Variants in IREB2 observed in about 807,000 individuals in gnomAD.
IREB2 encodes the protein iron-responsive element-binding protein 2.
In IREB2, 39 loss-of-function variants were observed where a neutral mutation model predicts 118.8. The observed-to-expected ratio is 0.33, with a 90% CI of 0.25 to 0.43. IREB2 has a LOEUF of 0.43. Ranked by LOEUF, IREB2 falls within the 20% of genes least tolerant of loss-of-function variation. The pLI is 1.00. For synonymous variants in IREB2, 372 were observed against 392.2 expected (o/e 0.95, Z 0.61); for missense variants, 900 against 1,147.3 (o/e 0.78, Z 3.11).
chr15:78,459,902 TG>T (rs1420201095), intron 2 of IREB2, among the ~76,000 whole-genome samples: 1 of 152,188 alleles, frequency 6.6e-6, no homozygotes, highest in Non-Finnish European at 1.5e-5. Flanking sequence ...ATAGCTTCTT[TG>T]GGGTTTCATT....
chr15:78,476,581 AC>A, intron 9 of IREB2: 1 of 341,262 alleles, frequency 2.9e-6, no homozygotes, highest in Non-Finnish European at 5.4e-6. Context: ...AATTATTCAA[AC>A]CATTGATCCT....
chr15:78,451,686 T>A (rs1342237134), intron 2 of IREB2, among the ~76,000 whole-genome samples: 1 of 152,036 alleles, frequency 6.6e-6, no homozygotes, highest in Non-Finnish European at 1.5e-5. Flanking sequence ...CACTCTGGAT[T>A]TTTTTCTTTT....
At chr15:78,490,042 TC>T (rs2051723305) in intron 16 of IREB2, among the ~76,000 whole-genome samples, 1 of 152,176 alleles carries the variant, frequency 6.6e-6, no homozygotes, top group Non-Finnish European at 1.5e-5. Flanking sequence ...CTTGGAGTGT[TC>T]CTGAACATCT....
rs1326062826 is a variant in IREB2, at chr15:78,501,432, TAAAGA to T, written c.*3293_*3297del. The T allele has an allele frequency of 6.6e-6, 1 of 152,638 alleles. No individual in the cohort carries two copies. Among genetic ancestry groups the T allele is most frequent in the Non-Finnish European group, 1.5e-5 (1 of 68,040 alleles). The allele number at this position is 152,638 out of a possible 1,614,324, so 9.5% of individuals were successfully genotyped here. On this transcript the variant is annotated 3_prime_UTR_variant, in exon 22 of 22. Transcript: ENST00000258886. ...TACTGATGCTGTAAATTATTTTTAA[TAAAGA>T]AAATTGTATTATCACATTTGATTCT...
Position 78,501,188 on chromosome 15 carries a change from C to T in IREB2, c.*3045C>T, listed in dbSNP as rs2051938812. On this transcript the variant is annotated 3_prime_UTR_variant, in exon 22 of 22. Coordinates refer to ENST00000258886, the MANE Select transcript of IREB2 (RefSeq NM_004136.4). ...TTCCCCTAAAGAGTGATATTGCTGA[C>T]GTTTCTATCAATTTTACACATAATA... 1.3e-5 allele frequency: 2 copies of T among 152,294 alleles called. No individual in the cohort carries two copies. The highest frequency in any genetic ancestry group is 2.1e-4 in the South Asian group (1 of 4,806). The allele number at this position is 152,294 out of a possible 1,614,324, so 9.4% of individuals were successfully genotyped here. A position where few individuals can be genotyped will look rare whatever the true frequency, so the allele number is the denominator to read the frequency against.
chr15:78,477,663 T>G (rs1023070367), intron 9 of IREB2, among the ~76,000 whole-genome samples: 6 of 152,230 alleles, frequency 3.9e-5, no homozygotes, highest in Non-Finnish European at 8.8e-5. Context: ...CTTACAGCTA[T>G]GATCCTAGCA....
chr15:78,464,599 TTTGAGA>T (rs1446249708), intron 3 of IREB2, among the ~76,000 whole-genome samples: 20 of 152,326 alleles, frequency 1.3e-4, no homozygotes, highest in African/African-American at 4.8e-4. Flanking sequence ...TTGATCTTAT[TTTGAGA>T]TACAGTCACA....
At position 78,490,779 on chromosome 15, in the gene IREB2, T is replaced by C. The variant is rs2051738042; in HGVS notation, c.2324+18T>C. 1.9e-6 allele frequency: 3 copies of C among 1,603,850 alleles called. No individual in the cohort carries two copies. The highest frequency in any genetic ancestry group is 2.7e-5 in the African/African-American group (2 of 74,200). On this transcript the variant is annotated intron_variant, in intron 18 of 21. Coordinates refer to ENST00000258886, the MANE Select transcript of IREB2 (RefSeq NM_004136.4). Reference sequence around the variant, plus strand: ...AACAGAGGGTATGTGTACATGGCTTTAGAGTGTTTTTGTTTTTTCTTGTTT... The same window carrying C: ...AACAGAGGGTATGTGTACATGGCTTCAGAGTGTTTTTGTTTTTTCTTGTTT...
chr15:78,484,755 G>A lies in IREB2; in HGVS notation c.1414-6G>A, dbSNP rs1396633290. On this transcript the variant is annotated splice_polypyrimidine_tract_variant and splice_region_variant and intron_variant, in intron 11 of 21. Coordinates refer to ENST00000258886, the MANE Select transcript of IREB2 (RefSeq NM_004136.4). ...TTAGTTTATATTTTTGTGGAAATTT[G>A]TATAGGTTGGATTTAAAGGCTTCCA... 8 of 1,608,058 alleles carry A rather than the reference G, an allele frequency of 5.0e-6. No homozygotes were observed. The highest frequency in any genetic ancestry group is 4.4e-5 in the South Asian group (4 of 90,858).
chr15:78,476,370 A>T lies in IREB2; in HGVS notation c.1195+11A>T, dbSNP rs2051471065. On this transcript the variant is annotated intron_variant, in intron 9 of 21. Coordinates refer to ENST00000258886, the MANE Select transcript of IREB2 (RefSeq NM_004136.4). ...ATTTAGAACATACAGGTAAGAAGAT[A>T]AAAGATCACTAGAATAAACATGTTA... 6 of 1,511,612 alleles carry T rather than the reference A, an allele frequency of 4.0e-6. No individual in the cohort carries two copies. Among genetic ancestry groups the T allele is most frequent in the Middle Eastern group, 1.7e-4 (1 of 5,744 alleles). 93.6% of individuals were successfully genotyped at this position (1,511,612 alleles called of 1,614,324 possible).
intron 2 of IREB2, among the ~76,000 whole-genome samples, chr15:78,456,963 G>C (rs553607719): frequency 6.6e-6 from 1 of 151,922 alleles, no homozygotes; most frequent in Non-Finnish European, 1.5e-5. Context: ...TGGTAATTTG[G>C]CACTTCTTCT....
intron 18 of IREB2, among the ~76,000 whole-genome samples, chr15:78,492,747 A>T (rs887981108): frequency 6.6e-6 from 1 of 152,006 alleles, no homozygotes; most frequent in Non-Finnish European, 1.5e-5. Context: ...TTTTGTAGAG[A>T]TGAGATCTCC....
rs769503701 is a variant in IREB2, at chr15:78,438,296, C to G, written c.-42C>G. The stretch of plus-strand genomic sequence containing the variant: ...CCCTGCCCGGCCTCCCCCTTCTTCC[C>G]CCGCTGGCCCCCTCCCCGGAGGGAT... On this transcript the variant is annotated 5_prime_UTR_variant, in exon 1 of 22. Transcript: ENST00000258886. 1 of 1,558,214 alleles carries G rather than the reference C, an allele frequency of 6.4e-7. No individual in the cohort carries two copies.
chr15:78,457,200 T>G (rs2051120585), intron 2 of IREB2, among the ~76,000 whole-genome samples: 2 of 152,200 alleles, frequency 1.3e-5, no homozygotes, highest in South Asian at 2.1e-4. Context: ...AAATTCCTCC[T>G]CCTGGTATAA....
intron 10 of IREB2, among the ~76,000 whole-genome samples, chr15:78,479,718 G>C (rs2051533698): frequency 6.6e-6 from 1 of 152,088 alleles, no homozygotes; most frequent in East Asian, 1.9e-4. Context: ...ACACTATTAT[G>C]CAGTCTTACT....
intron 5 of IREB2, among the ~76,000 whole-genome samples, 164 bp downstream of exon 5, chr15:78,466,653 T>C (rs1296651841): frequency 6.6e-6 from 1 of 152,184 alleles, no homozygotes; most frequent in Admixed American, 6.5e-5. Flanking sequence ...GAAGTAAATT[T>C]AGTGAAAATG....
At chr15:78,472,874 A>AT (rs1209227152) in intron 7 of IREB2, among the ~76,000 whole-genome samples, 1 of 151,962 alleles carries the variant, frequency 6.6e-6, no homozygotes, top group Non-Finnish European at 1.5e-5. Context: ...ATAAATGTTG[A>AT]TTTTTTTGTG....
rs887805436 is a variant in IREB2, at chr15:78,499,142, C to T, written c.*999C>T. 3 of 152,082 alleles carry T rather than the reference C, an allele frequency of 2.0e-5. No homozygotes were observed. Among genetic ancestry groups the T allele is most frequent in the African/African-American group, 7.2e-5 (3 of 41,420 alleles). The allele number at this position is 152,082 out of a possible 1,614,324, so 9.4% of individuals were successfully genotyped here. On this transcript the variant is annotated 3_prime_UTR_variant, in exon 22 of 22. Coordinates refer to ENST00000258886, the MANE Select transcript of IREB2 (RefSeq NM_004136.4). ...TGCTATTTCTTAATTAAATTGATTT[C>T]CTGTCATTTTGAATCATTTATCACC...
chr15:78,438,639 C>G, intron 1 of IREB2: 1 of 476,166 alleles, frequency 2.1e-6, no homozygotes, highest in Non-Finnish European at 3.8e-6. Context: ...CTGCCTGCTG[C>G]CAGCGGCTTC....
Sources: gnomAD v4.1 joint callset for allele counts (sites outside exome capture counted in the v4.1 genomes callset) on GRCh38, gnomAD v4.1.1 for gene constraint, MANE v1.5 for transcripts, NCBI Gene and HGNC (gene_info 2026-07-23, HGNC 2026-07-21) for gene names.